The following FMR1NB variants were observed in gnomAD, a reference collection of about 807,000 sequenced individuals.
FMR1NB encodes FMR1 neighbor protein.
In FMR1NB, 10 loss-of-function variants were observed where a neutral mutation model predicts 16.8. That is an observed-to-expected ratio of 0.60 (90% CI 0.37 to 1.01). The LOEUF (loss-of-function observed/expected upper bound fraction) is 1.01. Among genes scored for constraint, FMR1NB ranks in the 50% least tolerant of loss-of-function variants. FMR1NB has a pLI of 0.01. For missense variants in FMR1NB, 205 were observed against 204.8 expected (o/e 1.00, Z 0.00); for synonymous variants, 83 against 79.1 (o/e 1.05, Z -0.26).
At position 148,001,952 on chromosome X, in the gene FMR1NB, A is replaced by G. The variant is rs181810052; in HGVS notation, c.278-1249A>G. Among the ~76,000 whole-genome samples the G allele has an allele frequency of 7.8e-3, 860 of 110,695 alleles. 9 individuals carry two copies. The highest frequency in any genetic ancestry group is 0.027 in the African/African-American group (808 of 30,471). On this transcript the variant is annotated intron_variant, in intron 1 of 5. Coordinates refer to ENST00000370467, the MANE Select transcript of FMR1NB (RefSeq NM_152578.3). The stretch of plus-strand genomic sequence containing the variant: ...AAAGGGCCTTATGACTGCTGGAAAA[A>G]TCGTATCCCTACTCCACAACACACT...
intron 1 of FMR1NB, among the ~76,000 whole-genome samples, chrX:147,985,990 T>C (rs1557187045): frequency 8.9e-6 from 1 of 112,404 alleles, no homozygotes; most frequent in Non-Finnish European, 1.9e-5. Flanking sequence ...GTTGTTTCCA[T>C]ACATTTTAAT....
chrX:147,989,769 G>A (rs2044494886), intron 1 of FMR1NB, among the ~76,000 whole-genome samples: 1 of 111,401 alleles, frequency 9.0e-6, no homozygotes, highest in African/African-American at 3.3e-5. Flanking sequence ...TTGCCACACT[G>A]TGTTGAGTTC....
intron 4 of FMR1NB, among the ~76,000 whole-genome samples, chrX:148,020,982 T>G (rs782052843): frequency 1.4e-4 from 16 of 111,815 alleles, no homozygotes; most frequent in Admixed American, 2.8e-4. Context: ...TTGCAGTCCT[T>G]GTGGCCTAGA....
chrX:148,008,832 A>G (rs2044609887), intron 4 of FMR1NB, 121 bp downstream of exon 4: 1 of 607,192 alleles, frequency 1.6e-6, no homozygotes, highest in Non-Finnish European at 2.5e-6. Context: ...TATGTTGAAA[A>G]TATGGTAGCT....
intron 1 of FMR1NB, among the ~76,000 whole-genome samples, chrX:147,989,823 C>T (rs2187602): frequency 0.13 from 14,823 of 110,212 alleles, 868 homozygotes; most frequent in Non-Finnish European, 0.17. Context: ...CCTACTCAAG[C>T]CTCAGTAATG....
intron 4 of FMR1NB, among the ~76,000 whole-genome samples, chrX:148,011,640 G>A (rs1284710322): frequency 4.5e-5 from 5 of 111,471 alleles, no homozygotes; most frequent in Non-Finnish European, 7.5e-5. Context: ...GAGAGGGCAC[G>A]TCAGGCTTCA....
chrX:148,015,897 G>T (rs2044647075), intron 4 of FMR1NB, among the ~76,000 whole-genome samples: 1 of 112,171 alleles, frequency 8.9e-6, no homozygotes, highest in Non-Finnish European at 1.9e-5. Flanking sequence ...AGTGCTGACA[G>T]TAGGGTATTG....
chrX:148,023,806 G>A (rs1168673901), intron 4 of FMR1NB, among the ~76,000 whole-genome samples: 1 of 111,501 alleles, frequency 9.0e-6, no homozygotes, highest in Non-Finnish European at 1.9e-5. Flanking sequence ...GATAAGGTAA[G>A]GTTCCAGTCT....
chrX:148,020,992 A>G (rs1273404977), intron 4 of FMR1NB, among the ~76,000 whole-genome samples: 2 of 111,721 alleles, frequency 1.8e-5, no homozygotes, highest in African/African-American at 3.3e-5. Context: ...TGTGGCCTAG[A>G]CTGCCTTTCA....
intron 1 of FMR1NB, among the ~76,000 whole-genome samples, chrX:147,995,932 A>G (rs1603075410): frequency 1.8e-5 from 2 of 112,126 alleles, no homozygotes; most frequent in Admixed American, 9.5e-5. Flanking sequence ...CTGTGTGACC[A>G]TTGATGAGTC....
chrX:148,024,955 G>T lies in FMR1NB; in HGVS notation c.723G>T (p.Met241Ile), dbSNP rs1557190891. 8.3e-7 allele frequency: 1 copy of T among 1,209,473 alleles called. No individual in the cohort carries two copies. Residue 241 changes from methionine to isoleucine, a missense_variant, in exon 5 of 6, where the codon ATG becomes ATT. Transcript: ENST00000370467. ...QRRKRKRKSE[M>I]LQKAARGREE... is the part of the protein sequence containing the mutation. ...GGAAGCGAAAGAGGAAGTCTGAAAT[G>T]TTACAGAAAGCAGCAAGAGGACGTG... is the stretch of plus-strand genomic sequence containing the variant.
At chrX:147,984,562 G>A (rs982641917) in intron 1 of FMR1NB, among the ~76,000 whole-genome samples, 8 of 111,718 alleles carry the variant, frequency 7.2e-5, no homozygotes, top group African/African-American at 2.0e-4. Context: ...TGTTGGTCTC[G>A]TACCCTGTAA....
At chrX:147,998,353 G>A (rs1448177378) in intron 1 of FMR1NB, among the ~76,000 whole-genome samples, 3 of 110,287 alleles carry the variant, frequency 2.7e-5, no homozygotes, top group East Asian at 2.8e-4. Context: ...CTAACACAGG[G>A]ACAGAAAACT....
Position 148,006,765 on chromosome X carries a change from G to A in FMR1NB, c.461G>A (p.Ser154Asn). The change falls in exon 3 of 6, where the codon AGT becomes AAT. Residue 154 changes from serine (S) to asparagine (N), a missense_variant. Physicochemically the swap from Ser to Asn is conservative, Grantham distance 46. Transcript: ENST00000370467. ...PCNELQDLSESECLRHKCCFS... is the reference protein window; with the variant it reads ...PCNELQDLSENECLRHKCCFS... ...AATGAGCTGCAAGATCTTAGTGAGA[G>A]TGAATGTTTGAGACACAAATGCTGT... The A allele has an allele frequency of 8.3e-7, 1 of 1,210,801 alleles. No individual in the cohort carries two copies. Among genetic ancestry groups the A allele is most frequent in the Non-Finnish European group, 1.1e-6 (1 of 894,782 alleles).
chrX:148,006,959 A>G (rs1353947559), intron 3 of FMR1NB, 117 bp downstream of exon 3: 1 of 810,013 alleles, frequency 1.2e-6, no homozygotes, highest in Non-Finnish European at 1.7e-6. Flanking sequence ...TCCCAGTCCT[A>G]GAGCGGTGCT....
intron 1 of FMR1NB, among the ~76,000 whole-genome samples, chrX:147,990,118 C>T (rs1243831438): frequency 3.6e-5 from 4 of 111,010 alleles, no homozygotes; most frequent in African/African-American, 9.8e-5. Flanking sequence ...GCTTGAAACC[C>T]AGGGCCCTGG....
chrX:148,006,102 G>A (rs1475428202), intron 2 of FMR1NB, among the ~76,000 whole-genome samples: 1 of 105,025 alleles, frequency 9.5e-6, no homozygotes, highest in African/African-American at 3.9e-5. Flanking sequence ...AGGTATGTAC[G>A]AATTTATTGC....
chrX:147,982,973 G>A (rs1425306848), intron 1 of FMR1NB, among the ~76,000 whole-genome samples: 3 of 111,983 alleles, frequency 2.7e-5, no homozygotes, highest in Admixed American at 9.4e-5. Context: ...AAGGGATTTC[G>A]TTCCTGTAAA....
intron 4 of FMR1NB, among the ~76,000 whole-genome samples, chrX:148,018,281 T>C (rs1359626496): frequency 6.2e-5 from 7 of 112,113 alleles, no homozygotes; most frequent in Non-Finnish European, 5.6e-5. Context: ...TGCATTTCTC[T>C]GATGGCCAGT....
Sources: gnomAD v4.1 joint callset for allele counts (sites outside exome capture counted in the v4.1 genomes callset) on GRCh38, gnomAD v4.1.1 for gene constraint, MANE v1.5 for transcripts, NCBI Gene and HGNC (gene_info 2026-07-23, HGNC 2026-07-21) for gene names.